Variants in ARHGEF38 observed in about 807,000 individuals in gnomAD.
The protein encoded by ARHGEF38 is Rho guanine nucleotide exchange factor (GEF) 38.
In ARHGEF38, 79 loss-of-function variants were observed where a neutral mutation model predicts 79.9. That is an observed-to-expected ratio of 0.99 (90% CI 0.82 to 1.19). ARHGEF38 has a LOEUF of 1.19. Among genes scored for constraint, ARHGEF38 ranks in the 50% most tolerant of loss-of-function variants. The pLI is 0.00. For synonymous variants in ARHGEF38, 366 were observed against 328.3 expected, an observed-to-expected ratio of 1.11 and a Z score of -1.24; for missense variants, 962 against 907.2, an observed-to-expected ratio of 1.06 and a Z score of -0.78.
At chr4:105,634,549 A>G (rs1729324077) in intron 4 of ARHGEF38, among the ~76,000 whole-genome samples, 1 of 152,090 alleles carries the variant, frequency 6.6e-6, no homozygotes, top group African/African-American at 2.4e-5. Context: ...CTGTATGAGG[A>G]ATGTGAAAGA....
At chr4:105,648,139 C>T (rs1393234838) in intron 6 of ARHGEF38, among the ~76,000 whole-genome samples, 1 of 152,128 alleles carries the variant, frequency 6.6e-6, no homozygotes, top group East Asian at 1.9e-4. Flanking sequence ...CCGCCCACCT[C>T]GGCCTCCGAA....
chr4:105,590,996 C>T (rs1264453741), intron 2 of ARHGEF38, among the ~76,000 whole-genome samples: 1 of 152,064 alleles, frequency 6.6e-6, no homozygotes, highest in Non-Finnish European at 1.5e-5. Context: ...TTCCATCCCA[C>T]ATGTTGCAAA....
chr4:105,652,262 A>G (rs1212364581), intron 7 of ARHGEF38, among the ~76,000 whole-genome samples: 2 of 152,236 alleles, frequency 1.3e-5, no homozygotes, highest in Admixed American at 6.5e-5. Context: ...AAGGATTACA[A>G]TGAGAAAATG....
chr4:105,672,999 G>A (rs1731005429), intron 13 of ARHGEF38, among the ~76,000 whole-genome samples: 1 of 152,098 alleles, frequency 6.6e-6, no homozygotes, highest in South Asian at 2.1e-4. Flanking sequence ...GAGGAGGCCT[G>A]AATGCACTTC....
At chr4:105,592,362 AC>A (rs1208519550) in intron 2 of ARHGEF38, among the ~76,000 whole-genome samples, 1 of 151,992 alleles carries the variant, frequency 6.6e-6, no homozygotes, top group Non-Finnish European at 1.5e-5. Flanking sequence ...TTTCAAGCTT[AC>A]TATTCTCTGA....
chr4:105,584,867 C>G (rs1578278925), intron 1 of ARHGEF38, among the ~76,000 whole-genome samples: 1 of 152,156 alleles, frequency 6.6e-6, no homozygotes, highest in African/African-American at 2.4e-5. Flanking sequence ...AGATTGTCTT[C>G]AGTCCTCCCC....
chr4:105,654,298 G>A (rs952045437), intron 8 of ARHGEF38, 129 bp downstream of exon 8: 2 of 548,284 alleles, frequency 3.6e-6, no homozygotes, highest in Non-Finnish European at 6.0e-6. Context: ...ATCAAAATTG[G>A]AAGGCTGCAA....
At chr4:105,632,033 G>C (rs1010025939) in intron 4 of ARHGEF38, among the ~76,000 whole-genome samples, 1 of 152,132 alleles carries the variant, frequency 6.6e-6, no homozygotes, top group Admixed American at 6.5e-5. Flanking sequence ...GATCCCCAAC[G>C]GGGATGGGGA....
chr4:105,661,085 A>G (rs1227554016), intron 10 of ARHGEF38, among the ~76,000 whole-genome samples: 12 of 152,204 alleles, frequency 7.9e-5, no homozygotes, highest in Admixed American at 6.5e-4. Flanking sequence ...CATACAGTAC[A>G]TGGTTATTTG....
chr4:105,580,840 A>G (rs540699070), intron 1 of ARHGEF38, among the ~76,000 whole-genome samples: 1 of 152,008 alleles, frequency 6.6e-6, no homozygotes, highest in East Asian at 1.9e-4. Context: ...AAGCCCGGCT[A>G]GTTTTTGTAT....
At chr4:105,622,257 A>C (rs1390176633) in intron 3 of ARHGEF38, among the ~76,000 whole-genome samples, 1 of 152,132 alleles carries the variant, frequency 6.6e-6, no homozygotes, top group Non-Finnish European at 1.5e-5. Flanking sequence ...TGGAGAGTTG[A>C]GGTCAGATTT....
intron 1 of ARHGEF38, among the ~76,000 whole-genome samples, chr4:105,572,704 A>T (rs1297702038): frequency 6.6e-6 from 1 of 152,160 alleles, no homozygotes; most frequent in Non-Finnish European, 1.5e-5. Flanking sequence ...AGGTTATAAC[A>T]TATGTCATAA....
rs1359144510 is a variant in ARHGEF38 at position 105,590,104 on chromosome 4, AAGGAAGGAAGGAAGGAAGGAAG to A, written c.384+670_384+691del. On this transcript the variant is annotated intron_variant, in intron 2 of 13. Transcript: ENST00000420470. ...GAAGGAAGGAAGGAAGGAAGGAAGG[AAGGAAGGAAGGAAGGAAGGAAG>A]GAAAGAAAGAAAAAAAAGAAAGAAA... Among the ~76,000 whole-genome samples, 469 of 145,560 alleles carry A rather than the reference AAGGAAGGAAGGAAGGAAGGAAG, an allele frequency of 3.2e-3. 2 individuals are homozygous for A. Among genetic ancestry groups the A allele is most frequent in the African/African-American group, 0.012 (448 of 37,672 alleles).
At chr4:105,655,528 A>C (rs1159365199) in intron 8 of ARHGEF38, 75 bp from the exon 9 acceptor site, 5 of 1,431,968 alleles carry the variant, frequency 3.5e-6, no homozygotes, top group Non-Finnish European at 4.7e-6. Flanking sequence ...ATGCTGATGA[A>C]GTCCACATTT....
In ARHGEF38 at chr4:105,636,243, A is replaced by C. The variant is rs143040504; in HGVS notation, c.657-160A>C. Among the ~76,000 whole-genome samples, 367 of 152,132 alleles carry C rather than the reference A, an allele frequency of 2.4e-3. 2 individuals are homozygous for C. The highest frequency in any genetic ancestry group is 8.5e-3 in the African/African-American group (355 of 41,536). On this transcript the variant is annotated intron_variant, in intron 4 of 13. Transcript: ENST00000420470. ...AAAACTTTCATCTTCTTTATTTGTTAGGGACATGATTATAAAATAATGAGA... is the reference window on the plus strand; with the variant it reads ...AAAACTTTCATCTTCTTTATTTGTTCGGGACATGATTATAAAATAATGAGA...
Position 105,570,779 on chromosome 4 carries a change from T to C in ARHGEF38, c.196+17818T>C, listed in dbSNP as rs550216644. Among the ~76,000 whole-genome samples, 9 of 152,218 alleles carry C rather than the reference T, an allele frequency of 5.9e-5. No homozygotes were observed. The East Asian group carries it at 1.4e-3, about 23-fold the overall frequency. Reference sequence around the variant, plus strand: ...GGGACACAGCCAATCCATATCATGGTATATATACACAATGGAGCATCATCA... The same window carrying C: ...GGGACACAGCCAATCCATATCATGGCATATATACACAATGGAGCATCATCA... On this transcript the variant is annotated intron_variant, in intron 1 of 13. Coordinates refer to ENST00000420470, the MANE Select transcript of ARHGEF38 (RefSeq NM_001242729.2).
At chr4:105,638,322 T>A (rs1025422071) in intron 5 of ARHGEF38, among the ~76,000 whole-genome samples, 1 of 152,080 alleles carries the variant, frequency 6.6e-6, no homozygotes. Flanking sequence ...CATCAGACAG[T>A]ATTAAAGTGA....
chr4:105,642,906 A>G (rs1369578305), intron 5 of ARHGEF38, among the ~76,000 whole-genome samples: 2 of 152,112 alleles, frequency 1.3e-5, no homozygotes, highest in Non-Finnish European at 2.9e-5. Context: ...AGAAATTCTG[A>G]TTATATTCAT....
At chr4:105,580,938 C>T (rs1578274941) in intron 1 of ARHGEF38, among the ~76,000 whole-genome samples, 1 of 152,056 alleles carries the variant, frequency 6.6e-6, no homozygotes, top group African/African-American at 2.4e-5. Flanking sequence ...GCATCCCAAA[C>T]TGCTGGGATT....
Sources: gnomAD v4.1 joint callset for allele counts (sites outside exome capture counted in the v4.1 genomes callset) on GRCh38, gnomAD v4.1.1 for gene constraint, MANE v1.5 for transcripts, NCBI Gene and HGNC (gene_info 2026-07-23, HGNC 2026-07-21) for gene names.